The following MEDAG variants were observed in gnomAD, a reference collection of about 807,000 sequenced individuals.
MEDAG encodes the protein mesenteric estrogen dependent adipogenesis.
In MEDAG, 25 loss-of-function variants were observed where a neutral mutation model predicts 29.9. That is an observed-to-expected ratio of 0.84 (90% CI 0.61 to 1.17). MEDAG has a LOEUF of 1.17. Ranked by LOEUF, MEDAG falls within the 50% of genes most tolerant of loss-of-function variation. The pLI is 0.00. For synonymous variants in MEDAG, 158 were observed against 148.2 expected, an observed-to-expected ratio of 1.07 and a Z score of -0.48; for missense variants, 398 against 372.9, an observed-to-expected ratio of 1.07 and a Z score of -0.56.
intron 1 of MEDAG, among the ~76,000 whole-genome samples, chr13:30,907,113 C>T (rs758105206): frequency 1.8e-4 from 28 of 152,320 alleles, no homozygotes; most frequent in Middle Eastern, 3.4e-3. Flanking sequence ...CATTCTGGCT[C>T]CTTAACTGGG....
chr13:30,918,438 G>A (rs970088315), intron 2 of MEDAG, among the ~76,000 whole-genome samples: 2 of 152,144 alleles, frequency 1.3e-5, no homozygotes, highest in African/African-American at 4.8e-5. Context: ...AAAATAAATA[G>A]CCATTGTGGA....
chr13:30,906,938 C>A, intron 1 of MEDAG, 145 bp downstream of exon 1: 1 of 819,480 alleles, frequency 1.2e-6, no homozygotes, highest in Non-Finnish European at 1.8e-6. Context: ...GACTTTCCTT[C>A]TGCTTCTATC....
rs1163609052 is a variant in MEDAG at position 30,906,589 on chromosome 13, T to C, written c.74T>C (p.Leu25Pro). The C allele has an allele frequency of 6.3e-7, 1 of 1,587,208 alleles. No individual in the cohort carries two copies. The highest frequency in any genetic ancestry group is 8.5e-7 in the Non-Finnish European group (1 of 1,175,478). Residue 25 changes from leucine to proline, a missense_variant, in exon 1 of 5, where the codon CTG becomes CCG. Leu to Pro is a moderately conservative substitution (Grantham distance 98, BLOSUM62 -3). Transcript: ENST00000380482. ...ATCTCGTCTGGGGAGCTTCGCAGCC[T>C]GTGGACCTGCGACTGCGAGCTGGCC... is the stretch of plus-strand genomic sequence containing the variant. Reference protein sequence around the residue: ...TSISSGELRSLWTCDCELALL... With the variant: ...TSISSGELRSPWTCDCELALL...
intron 4 of MEDAG, chr13:30,922,196 C>T (rs537088327): frequency 1.2e-5 from 2 of 163,598 alleles, no homozygotes; most frequent in East Asian, 3.5e-4. Flanking sequence ...TTCTGTACAA[C>T]AGAATGTGAA....
intron 4 of MEDAG, among the ~76,000 whole-genome samples, chr13:30,923,738 C>T (rs924729907): frequency 6.6e-6 from 1 of 152,208 alleles, no homozygotes; most frequent in Non-Finnish European, 1.5e-5. Flanking sequence ...CACCCTCTGT[C>T]CTGTGGGCTG....
At position 30,906,526 on chromosome 13, in the gene MEDAG, C is replaced by T. The variant is rs761746695; in HGVS notation, c.11C>T (p.Ala4Val). MAGAACEPVARPSL... is the reference protein window; with the variant it reads MAGVACEPVARPSL... ...ACCGACGACGCGGGCATGGCGGGGG[C>T]GGCCTGCGAGCCGGTGGCCAGGCCG... is the stretch of plus-strand genomic sequence containing the variant. The change falls in exon 1 of 5, where the codon GCG becomes GTG. Residue 4 changes from alanine to valine, a missense_variant. By Grantham distance (64) the Ala-to-Val change is moderately conservative. Coordinates refer to ENST00000380482, the MANE Select transcript of MEDAG (RefSeq NM_032849.4). 2 of 1,504,866 alleles carry T rather than the reference C, an allele frequency of 1.3e-6. No individual in the cohort carries two copies. Among genetic ancestry groups the T allele is most frequent in the Middle Eastern group, 2.4e-4 (1 of 4,228 alleles). 93.2% of individuals were successfully genotyped at this position (1,504,866 alleles called of 1,614,324 possible).
At position 30,906,728 on chromosome 13, in the gene MEDAG, C is replaced by A. The variant is rs756415719; in HGVS notation, c.213C>A (p.Asn71Lys). The A allele has an allele frequency of 2.6e-6, 4 of 1,516,748 alleles. No individual in the cohort carries two copies. The highest frequency in any genetic ancestry group is 4.1e-5 in the Admixed American group (2 of 48,538). The allele number at this position is 1,516,748 out of a possible 1,614,324, so 94.0% of individuals were successfully genotyped here. Residue 71 changes from asparagine to lysine, a missense_variant, in exon 1 of 5, where the codon AAC becomes AAA. Asn to Lys is a moderately conservative substitution (Grantham distance 94, BLOSUM62 0). Coordinates refer to ENST00000380482, the MANE Select transcript of MEDAG (RefSeq NM_032849.4). ...CGGCGGCGGCGCGGGGGGGCTTCAA[C>A]GTCTTCGGTGACGGCCTCGTGCGCC... ...GEPAAARGGF[N>K]VFGDGLVRLD...
At position 30,910,844 on chromosome 13, in the gene MEDAG, T is replaced by G. The variant is rs115023798; in HGVS notation, c.278+4051T>G. On this transcript the variant is annotated intron_variant, in intron 1 of 4. Coordinates refer to ENST00000380482, the MANE Select transcript of MEDAG (RefSeq NM_032849.4). ...TTTACTGGGGGAAGCCTCACCTCCA[T>G]CCTGCAGTGGGAAGTGCTGGGCTCT... is the stretch of plus-strand genomic sequence containing the variant. 9.5e-3 allele frequency among the ~76,000 whole-genome samples: 1,445 copies of G among 152,314 alleles called. 42 individuals carry two copies. The highest frequency in any genetic ancestry group is 0.033 in the African/African-American group (1,376 of 41,566).
chr13:30,923,892 T>C (rs527956513), intron 4 of MEDAG, among the ~76,000 whole-genome samples: 32 of 152,316 alleles, frequency 2.1e-4, no homozygotes, highest in Admixed American at 1.9e-3. Flanking sequence ...GCTGTCATCA[T>C]GCACTGCAGG....
At chr13:30,907,634 A>C (rs566144871) in intron 1 of MEDAG, among the ~76,000 whole-genome samples, 1 of 152,344 alleles carries the variant, frequency 6.6e-6, no homozygotes, top group African/African-American at 2.4e-5. Flanking sequence ...CACTCTTGGC[A>C]AGGGCCTGGA....
intron 1 of MEDAG, 59 bp from the exon 2 acceptor site, chr13:30,917,341 TCCC>T (rs1566127665): frequency 2.0e-6 from 2 of 994,340 alleles, no homozygotes; most frequent in African/African-American, 3.2e-5. Flanking sequence ...GTCCAGTACA[TCCC>T]CTTCCTAATT....
intron 1 of MEDAG, among the ~76,000 whole-genome samples, chr13:30,908,420 A>G (rs1284393606): frequency 6.6e-6 from 1 of 152,194 alleles, no homozygotes; most frequent in Non-Finnish European, 1.5e-5. Flanking sequence ...GGAGCTATCT[A>G]TTGTCCTCAG....
intron 1 of MEDAG, among the ~76,000 whole-genome samples, chr13:30,910,423 A>G (rs1174835017): frequency 6.6e-6 from 1 of 152,256 alleles, no homozygotes; most frequent in African/African-American, 2.4e-5. Flanking sequence ...AAAAGTTTAC[A>G]AAGTTTGCAT....
chr13:30,912,791 G>A (rs1418612276), intron 1 of MEDAG, among the ~76,000 whole-genome samples: 1 of 152,174 alleles, frequency 6.6e-6, no homozygotes, highest in East Asian at 1.9e-4. Context: ...AACAAGGAAG[G>A]AGCAACTCTT....
rs1566124734 is a variant in MEDAG, at chr13:30,907,874, A to C, written c.278+1081A>C. ...AGTCTTCAAAACTCTTGGAGAAAAAACCTTGCTTTTCCAAAGATAGTGAGG... is the reference window on the plus strand; with the variant it reads ...AGTCTTCAAAACTCTTGGAGAAAAACCCTTGCTTTTCCAAAGATAGTGAGG... On this transcript the variant is annotated intron_variant, in intron 1 of 4. Coordinates refer to ENST00000380482, the MANE Select transcript of MEDAG (RefSeq NM_032849.4). Among the ~76,000 whole-genome samples the C allele has an allele frequency of 2.6e-5, 4 of 152,304 alleles. No homozygotes were observed. In the South Asian group the frequency reaches 8.3e-4, roughly 32 times the overall value.
chr13:30,911,515 G>T (rs367918448), intron 1 of MEDAG, among the ~76,000 whole-genome samples: 17 of 152,090 alleles, frequency 1.1e-4, no homozygotes, highest in East Asian at 3.9e-4. Context: ...TCTTCCTGGG[G>T]TGCTCCCTGC....
intron 4 of MEDAG, 124 bp from the exon 5 acceptor site, chr13:30,924,187 C>A: frequency 9.8e-7 from 1 of 1,017,220 alleles, no homozygotes; most frequent in Non-Finnish European, 1.4e-6. Context: ...TTGAATTTTT[C>A]TGAGGAAGCC....
At chr13:30,913,599 G>A (rs1233990970) in intron 1 of MEDAG, among the ~76,000 whole-genome samples, 7 of 152,048 alleles carry the variant, frequency 4.6e-5, no homozygotes, top group Non-Finnish European at 1.0e-4. Flanking sequence ...AGCATTTTGG[G>A]GCCAGGGTAA....
Position 30,917,460 on chromosome 13 carries a change from C to G in MEDAG, c.336C>G (p.Ser112Arg). ...DYKDYRETIL[S>R]KPMLFFINVQ... is the part of the protein sequence containing the mutation. Reference sequence around the variant, plus strand: ...AAGACTACAGGGAAACTATATTGAGCAAACCAATGTTGTTCTTTATTAATG... The same window carrying G: ...AAGACTACAGGGAAACTATATTGAGGAAACCAATGTTGTTCTTTATTAATG... The change falls in exon 2 of 5, where the codon AGC becomes AGG. Residue 112 changes from serine to arginine, a missense_variant. Coordinates refer to ENST00000380482, the MANE Select transcript of MEDAG (RefSeq NM_032849.4). 6.2e-7 allele frequency: 1 copy of G among 1,611,926 alleles called. No homozygotes were observed. The highest frequency in any genetic ancestry group is 1.1e-5 in the South Asian group (1 of 91,018).
Sources: allele counts gnomAD v4.1 joint callset (sites outside exome capture counted in the v4.1 genomes callset), GRCh38; gene constraint gnomAD v4.1.1; transcripts MANE v1.5; gene names NCBI Gene and HGNC (gene_info 2026-07-23, HGNC 2026-07-21).